The following NUTF2 variants were observed in gnomAD, a reference collection of about 807,000 sequenced individuals.
NUTF2 encodes the protein placental protein 15.
A neutral mutation model predicts 18.5 loss-of-function variants in NUTF2; 3 were observed. The ratio of observed to expected loss-of-function variants is 0.16; its 90% confidence interval spans 0.07 to 0.42. NUTF2 has a LOEUF of 0.42. Ranked by LOEUF, NUTF2 falls within the 10% of genes least tolerant of loss-of-function variation. The pLI is 0.99. For missense variants in NUTF2, 44 were observed against 160.7 expected (o/e 0.27, Z 3.93); for synonymous variants, 51 against 57.9 (o/e 0.88, Z 0.54).
chr16:67,850,205 C>CTTTTTTTTTTTTTTTTT (rs768001106), intron 1 of NUTF2, among the ~76,000 whole-genome samples: 1 of 149,732 alleles, frequency 6.7e-6, no homozygotes. Flanking sequence ...TTCCCTGTAA[C>CTTTTTTTTTTTTTTTTT]TTCTTTTTTT....
intron 1 of NUTF2, among the ~76,000 whole-genome samples, chr16:67,855,008 GTTTGTTTTTT>G (rs1567380036): frequency 6.6e-6 from 1 of 151,660 alleles, no homozygotes; most frequent in Non-Finnish European, 1.5e-5. Context: ...CTGGGTGCTG[GTTTGTTTTTT>G]TTTTTAATTA....
chr16:67,867,377 A>G (rs2057980431), intron 2 of NUTF2, among the ~76,000 whole-genome samples: 1 of 152,226 alleles, frequency 6.6e-6, no homozygotes, highest in Non-Finnish European at 1.5e-5. Flanking sequence ...TACCCCTTTG[A>G]AGGTTAGGAA....
chr16:67,849,722 G>T (rs563044973), intron 1 of NUTF2, among the ~76,000 whole-genome samples: 1 of 151,102 alleles, frequency 6.6e-6, no homozygotes, highest in African/African-American at 2.4e-5. Flanking sequence ...GCAGTGGTGC[G>T]ATCTCTGCTC....
intron 4 of NUTF2, 171 bp from the exon 5 acceptor site, chr16:67,870,629 A>G: frequency 1.6e-6 from 1 of 641,350 alleles, no homozygotes; most frequent in East Asian, 2.7e-5. Context: ...GCATTGTTTC[A>G]TACATTACAT....
At chr16:67,854,831 C>T (rs1036045252) in intron 1 of NUTF2, among the ~76,000 whole-genome samples, 3 of 152,144 alleles carry the variant, frequency 2.0e-5, no homozygotes, top group Admixed American at 6.5e-5. Context: ...ACCTGTAATC[C>T]CAGCTACACG....
intron 1 of NUTF2, among the ~76,000 whole-genome samples, chr16:67,859,943 C>T (rs1268484265): frequency 2.0e-5 from 3 of 151,414 alleles, no homozygotes; most frequent in Non-Finnish European, 2.9e-5. Flanking sequence ...GCTGGGATTA[C>T]AGGTGTACAC....
intron 1 of NUTF2, among the ~76,000 whole-genome samples, chr16:67,852,417 C>T (rs1253987819): frequency 3.3e-5 from 5 of 150,436 alleles, no homozygotes; most frequent in African/African-American, 9.8e-5. Context: ...AGTGCAGTGT[C>T]GCAGTCTCGG....
chr16:67,866,876 G>T (rs961696574), intron 2 of NUTF2, among the ~76,000 whole-genome samples: 2 of 152,200 alleles, frequency 1.3e-5, no homozygotes, highest in Non-Finnish European at 2.9e-5. Flanking sequence ...CCAAAGTGCT[G>T]GGATTACAGG....
At chr16:67,853,732 G>C (rs1270943896) in intron 1 of NUTF2, among the ~76,000 whole-genome samples, 1 of 151,680 alleles carries the variant, frequency 6.6e-6, no homozygotes, top group East Asian at 1.9e-4. Flanking sequence ...GGCTGGTCTT[G>C]AACTCTGGGC....
chr16:67,856,302 C>T (rs2057896689), intron 1 of NUTF2, among the ~76,000 whole-genome samples: 1 of 151,998 alleles, frequency 6.6e-6, no homozygotes, highest in Admixed American at 6.6e-5. Flanking sequence ...AAGCAATTCT[C>T]TGCCTCAGCC....
Position 67,870,951 on chromosome 16 carries a change from C to T in NUTF2, c.*38C>T. ...TAGGCACTCACGCTGTTTCCTCCTCCCTCCTCTTCCCAATACTATTCCCAC... is the reference window on the plus strand; with the variant it reads ...TAGGCACTCACGCTGTTTCCTCCTCTCTCCTCTTCCCAATACTATTCCCAC... On this transcript the variant is annotated 3_prime_UTR_variant, in exon 5 of 5. Transcript: ENST00000219169. 7.2e-7 allele frequency: 1 copy of T among 1,398,074 alleles called. No individual in the cohort carries two copies. Among genetic ancestry groups the T allele is most frequent in the Non-Finnish European group, 1.0e-6 (1 of 983,240 alleles). The allele number at this position is 1,398,074 out of a possible 1,614,324, so 86.6% of individuals were successfully genotyped here. A position where few individuals can be genotyped will look rare whatever the true frequency, so the allele number is the denominator to read the frequency against.
At chr16:67,855,645 A>G (rs1051447391) in intron 1 of NUTF2, among the ~76,000 whole-genome samples, 4 of 152,150 alleles carry the variant, frequency 2.6e-5, no homozygotes, top group Non-Finnish European at 5.9e-5. Context: ...GGGTCTCCCG[A>G]GGGCAGAAAC....
chr16:67,867,511 C>T (rs372183975), intron 2 of NUTF2, among the ~76,000 whole-genome samples: 3 of 151,958 alleles, frequency 2.0e-5, no homozygotes, highest in African/African-American at 7.3e-5. Flanking sequence ...AAGTGGGTTA[C>T]ATTTGAGATT....
chr16:67,850,698 C>T (rs2057848420), intron 1 of NUTF2, among the ~76,000 whole-genome samples: 1 of 152,154 alleles, frequency 6.6e-6, no homozygotes, highest in Admixed American at 6.5e-5. Context: ...ACCTGGCATG[C>T]GGTGGTTGGG....
intron 1 of NUTF2, among the ~76,000 whole-genome samples, chr16:67,848,040 C>T (rs1310782036): frequency 6.6e-6 from 1 of 152,204 alleles, no homozygotes; most frequent in African/African-American, 2.4e-5. Context: ...ACAACTGGAG[C>T]TGCCTGTAAA....
intron 4 of NUTF2, among the ~76,000 whole-genome samples, chr16:67,869,554 G>C (rs1195509662): frequency 2.6e-5 from 4 of 151,712 alleles, no homozygotes; most frequent in Admixed American, 2.6e-4. Flanking sequence ...GGGAGGCCGA[G>C]GCAGGCAGAT....
At chr16:67,862,422 A>G (rs2057941138) in intron 1 of NUTF2, among the ~76,000 whole-genome samples, 1 of 152,146 alleles carries the variant, frequency 6.6e-6, no homozygotes, top group Non-Finnish European at 1.5e-5. Context: ...CCTATTCCTC[A>G]GAGAGCTTAC....
rs2057805341 is a variant in NUTF2 at position 67,846,981 on chromosome 16, C to G, written c.-34C>G. On this transcript the variant is annotated 5_prime_UTR_variant, in exon 1 of 5. Transcript: ENST00000219169. The stretch of plus-strand genomic sequence containing the variant: ...GCCGCTGCCGCCATCGTGCCAGCCC[C>G]TCGGGTGAGTGTCGGGGCCAGCACG... 6.6e-6 allele frequency: 1 copy of G among 152,252 alleles called. No homozygotes were observed. The highest frequency in any genetic ancestry group is 6.5e-5 in the Admixed American group (1 of 15,276). The allele number at this position is 152,252 out of a possible 1,614,324, so 9.4% of individuals were successfully genotyped here. A position where few individuals can be genotyped will look rare whatever the true frequency, so the allele number is the denominator to read the frequency against.
chr16:67,861,696 A>T (rs2151298476), intron 1 of NUTF2, among the ~76,000 whole-genome samples: 1 of 152,196 alleles, frequency 6.6e-6, no homozygotes. Context: ...CTCTCACAAG[A>T]GCTGTAGGAG....
Sources: gnomAD v4.1 joint callset for allele counts (sites outside exome capture counted in the v4.1 genomes callset) on GRCh38, gnomAD v4.1.1 for gene constraint, MANE v1.5 for transcripts, NCBI Gene and HGNC (gene_info 2026-07-23, HGNC 2026-07-21) for gene names.